NEK10: variants seen among roughly 807,000 people sequenced by gnomAD.
NEK10 encodes the protein serine/threonine-protein kinase Nek10.
NEK10 carries 122 observed loss-of-function variants against 159.8 expected under a neutral mutation model. The ratio of observed to expected loss-of-function variants is 0.76; its 90% CI spans 0.66 to 0.89. The LOEUF is 0.89. NEK10 is among the 40% of genes least tolerant of loss of function. NEK10 has a pLI of 0.00. For missense variants in NEK10, 1,342 were observed against 1,323.1 expected (o/e 1.01, Z -0.22); for synonymous variants, 466 against 457.1 (o/e 1.02, Z -0.25).
chr3:27,293,560 G>A, intron 16 of NEK10, 28 bp downstream of exon 16: 1 of 1,224,924 alleles, frequency 8.2e-7, no homozygotes, highest in Non-Finnish European at 1.2e-6. Flanking sequence ...TAAACCTAAT[G>A]ATCACTTATA....
chr3:27,366,125 C>T (rs1420119690), intron 1 of NEK10, among the ~76,000 whole-genome samples: 1 of 152,076 alleles, frequency 6.6e-6, no homozygotes, highest in African/African-American at 2.4e-5. Context: ...CATTTACATG[C>T]TCCTGAGGCA....
At chr3:27,252,694 T>C (rs1955791385) in intron 23 of NEK10, among the ~76,000 whole-genome samples, 1 of 152,170 alleles carries the variant, frequency 6.6e-6, no homozygotes, top group African/African-American at 2.4e-5. Flanking sequence ...GGGGTTCAGC[T>C]GAAGGCAGGT....
intron 1 of NEK10, among the ~76,000 whole-genome samples, chr3:27,355,963 A>G (rs1323552630): frequency 6.6e-6 from 1 of 152,230 alleles, no homozygotes; most frequent in Non-Finnish European, 1.5e-5. Context: ...CTAAAACAGT[A>G]TTAAAAGGTA....
At chr3:27,245,527 A>G (rs1260022027) in intron 23 of NEK10, among the ~76,000 whole-genome samples, 1 of 152,188 alleles carries the variant, frequency 6.6e-6, no homozygotes, top group Non-Finnish European at 1.5e-5. Flanking sequence ...GACTCTAGCC[A>G]AGCATCAACA....
chr3:27,316,110 T>C (rs1194142237), intron 6 of NEK10, among the ~76,000 whole-genome samples: 1 of 152,184 alleles, frequency 6.6e-6, no homozygotes, highest in East Asian at 1.9e-4. Flanking sequence ...GACTTAGATG[T>C]GAGCCTGAAT....
chr3:27,285,446 A>G (rs1437152199), intron 20 of NEK10, among the ~76,000 whole-genome samples: 1 of 152,120 alleles, frequency 6.6e-6, no homozygotes, highest in Non-Finnish European at 1.5e-5. Context: ...ACACTGGAAT[A>G]ATGCCATGGT....
intron 23 of NEK10, among the ~76,000 whole-genome samples, chr3:27,246,143 T>C (rs1232041781): frequency 6.6e-6 from 1 of 152,208 alleles, no homozygotes; most frequent in Non-Finnish European, 1.5e-5. Context: ...TTGCGTTTTG[T>C]GATTCTGAGG....
intron 23 of NEK10, among the ~76,000 whole-genome samples, chr3:27,240,349 T>G (rs946271684): frequency 6.6e-6 from 1 of 152,176 alleles, no homozygotes; most frequent in South Asian, 2.1e-4. Context: ...ACATCACATA[T>G]TTTGTATTTG....
At chr3:27,155,327 C>T (rs189226110) in intron 30 of NEK10, among the ~76,000 whole-genome samples, 2 of 151,934 alleles carry the variant, frequency 1.3e-5, no homozygotes, top group Admixed American at 6.6e-5. Context: ...CATGGTGAAA[C>T]CCTGTCTCTA....
Position 27,174,681 on chromosome 3 carries a change from A to T in NEK10, c.2658T>A (p.Asp886Glu), listed in dbSNP as rs1265594402. 15 of 1,612,066 alleles carry T rather than the reference A, an allele frequency of 9.3e-6. No homozygotes were observed. Among genetic ancestry groups the T allele is most frequent in the Middle Eastern group, 1.6e-4 (1 of 6,062 alleles). The change falls in exon 27 of 36, where the codon GAT (aspartate) becomes GAA (glutamate). Residue 886 changes from aspartate to glutamate, a missense_variant. Transcript: ENST00000691995. ...EDRACDEILS[D>E]DNFNLENAEK... ...CAGCATTTTCCAGGTTGAAGTTATC[A>T]TCTGACAGGATTTCGTCACAGGCCC...
chr3:27,133,459 T>C (rs745791012), intron 31 of NEK10, among the ~76,000 whole-genome samples: 25 of 152,134 alleles, frequency 1.6e-4, no homozygotes, highest in Non-Finnish European at 3.1e-4. Flanking sequence ...AGGAAAATAA[T>C]TCAATTGAAA....
rs371174806 is a variant in NEK10 at position 27,304,789 on chromosome 3, C to T, written c.986G>A (p.Arg329His). 81 of 1,613,732 alleles carry T rather than the reference C, an allele frequency of 5.0e-5. No homozygotes were observed. The highest frequency in any genetic ancestry group is 6.7e-5 in the Non-Finnish European group (79 of 1,179,792). The change falls in exon 12 of 36, where the codon CGC becomes CAC. Residue 329 changes from arginine to histidine, a missense_variant. Coordinates refer to ENST00000691995, the MANE Select transcript of NEK10 (RefSeq NM_001394966.1). ...CEDPETSVEI[R>H]IWGGIKQLLH... ...AAGCTGTTTGATGCCTCCCCAAATG[C>T]GAATTTCCACGCTGGTCTCAGGGTC...
At chr3:27,294,898 G>T (rs754044060) in intron 15 of NEK10, among the ~76,000 whole-genome samples, 1 of 151,808 alleles carries the variant, frequency 6.6e-6, no homozygotes, top group Non-Finnish European at 1.5e-5. Flanking sequence ...AGAACCCTGC[G>T]TAACTGTTCC....
rs762188025 is a variant in NEK10, at chr3:27,290,696, G to C, written c.1664C>G (p.Pro555Arg). The change falls in exon 19 of 36, where the codon CCA becomes CGA. Residue 555 changes from proline (P) to arginine (R), a missense_variant. Physicochemically the swap from Pro to Arg is moderately radical, Grantham distance 103 (BLOSUM62 -2). Coordinates refer to ENST00000691995, the MANE Select transcript of NEK10 (RefSeq NM_001394966.1). ...ATCTTTCTTATCCTTTCCAAATGCT[G>C]GGTTATGTAAATTGACCTCTTTCAT... ...LAMKEVNLHN[P>R]AFGKDKKDRD... is the part of the protein sequence containing the mutation. 3.7e-6 allele frequency: 6 copies of C among 1,608,016 alleles called. No homozygotes were observed. In the East Asian group the frequency reaches 1.1e-4, roughly 30 times the overall value.
chr3:27,162,355 T>C (rs577284589), intron 30 of NEK10: 27 of 1,494,098 alleles, frequency 1.8e-5, no homozygotes, highest in South Asian at 2.8e-5. Flanking sequence ...CTCCGCTCTT[T>C]GTATTAAAAT....
chr3:27,368,655 G>A (rs2049283657), intron 1 of NEK10, among the ~76,000 whole-genome samples: 1 of 152,148 alleles, frequency 6.6e-6, no homozygotes, highest in African/African-American at 2.4e-5. Flanking sequence ...GGAAGATGGC[G>A]TTCAGGGTTG....
chr3:27,337,032 G>GT (rs1161070766), intron 5 of NEK10, among the ~76,000 whole-genome samples: 2 of 151,842 alleles, frequency 1.3e-5, no homozygotes, highest in African/African-American at 4.8e-5. Flanking sequence ...ACATTTGGCG[G>GT]GGGGGAAAGG....
chr3:27,192,144 G>A lies in NEK10; in HGVS notation c.2390C>T (p.Ser797Phe), dbSNP rs751093804. 5 of 1,613,748 alleles carry A rather than the reference G, an allele frequency of 3.1e-6. No individual in the cohort carries two copies. Among genetic ancestry groups the A allele is most frequent in the East Asian group, 4.5e-5 (2 of 44,884 alleles). Residue 797 changes from serine to phenylalanine, a missense_variant, in exon 26 of 36, where the codon TCC becomes TTC. Coordinates refer to ENST00000691995, the MANE Select transcript of NEK10 (RefSeq NM_001394966.1). The part of the protein sequence containing the change: ...MMKYLDNLST[S>F]QLSLEKKLER... ...TAGCTTCTTTTCCAAGGACAACTGG[G>A]ATGTAGATAAGTTGTCTAAATATTT...
intron 32 of NEK10, among the ~76,000 whole-genome samples, chr3:27,121,665 A>G (rs1342552382): frequency 1.3e-5 from 2 of 152,176 alleles, no homozygotes; most frequent in Non-Finnish European, 1.5e-5. Context: ...TGTAAGTCCA[A>G]TTAAACCTCT....
Sources: allele counts gnomAD v4.1 joint callset (sites outside exome capture counted in the v4.1 genomes callset), GRCh38; gene constraint gnomAD v4.1.1; transcripts MANE v1.5; gene names NCBI Gene and HGNC (gene_info 2026-07-23, HGNC 2026-07-21).